The following SLIT1 variants were observed in gnomAD, a reference collection of about 807,000 sequenced individuals.
The protein encoded by SLIT1 is slit homolog 1 protein.
A neutral mutation model predicts 186.1 loss-of-function variants in SLIT1; 66 were observed. The observed-to-expected ratio is 0.35, with a 90% CI of 0.29 to 0.44. SLIT1 has a LOEUF of 0.44. SLIT1 is among the 20% of genes least tolerant of loss of function. The pLI, the probability that SLIT1 is intolerant of heterozygous loss-of-function variation, is 1.00. For synonymous variants in SLIT1, 761 were observed against 833.8 expected, an observed-to-expected ratio of 0.91 and a Z score of 1.50; for missense variants, 1,638 against 2,037.4, an observed-to-expected ratio of 0.80 and a Z score of 3.77.
Position 97,022,029 on chromosome 10 carries a change from G to C in SLIT1, c.2583-616C>G, listed in dbSNP as rs1161107617. ...TGTTGGGGCCATGCTGTTGGGGCCAGAGCCTACGAATGCACTGCCTCCAGT... is the reference window on the plus strand; with the variant it reads ...TGTTGGGGCCATGCTGTTGGGGCCACAGCCTACGAATGCACTGCCTCCAGT... On this transcript the variant is annotated intron_variant, in intron 25 of 36. Coordinates refer to ENST00000266058, the MANE Select transcript of SLIT1 (RefSeq NM_003061.3). The surrounding 1 kb of genome is among the most constrained non-coding windows in gnomAD (Gnocchi z 4.2). Among the ~76,000 whole-genome samples the C allele has an allele frequency of 6.6e-6, 1 of 152,236 alleles. No homozygotes were observed. The highest frequency in any genetic ancestry group is 6.5e-5 in the Admixed American group (1 of 15,286).
chr10:97,111,891 T>C (rs1293383246), intron 4 of SLIT1, among the ~76,000 whole-genome samples: 1 of 152,208 alleles, frequency 6.6e-6, no homozygotes, highest in Non-Finnish European at 1.5e-5. Context: ...GGATGCTGTT[T>C]GTGAGGGAAT....
At chr10:97,055,344 T>C (rs1031887001) in intron 13 of SLIT1, among the ~76,000 whole-genome samples, 2 of 152,142 alleles carry the variant, frequency 1.3e-5, no homozygotes, top group African/African-American at 4.8e-5. Context: ...TGATGAAAAC[T>C]TGGGGGTTCA....
chr10:97,096,114 G>A (rs1422635631), intron 4 of SLIT1, among the ~76,000 whole-genome samples: 5 of 152,284 alleles, frequency 3.3e-5, no homozygotes, highest in African/African-American at 1.2e-4. Flanking sequence ...CTGCCCTGGT[G>A]TGCCAGGCAC....
Position 96,999,157 on chromosome 10 carries a change from C to A in SLIT1, c.*1955G>T, listed in dbSNP as rs1477591738. The A allele has an allele frequency of 6.6e-6, 1 of 152,432 alleles. No homozygotes were observed. Among genetic ancestry groups the A allele is most frequent in the Non-Finnish European group, 1.5e-5 (1 of 68,242 alleles). 9.4% of individuals were successfully genotyped at this position (152,432 alleles called of 1,614,324 possible). Reference sequence around the variant, plus strand: ...GGATGCCATGTGGGCCTGGGAGAAGCCCCATGAGGCCCAGGCTGCAGTCTA... The same window carrying A: ...GGATGCCATGTGGGCCTGGGAGAAGACCCATGAGGCCCAGGCTGCAGTCTA... On this transcript the variant is annotated 3_prime_UTR_variant, in exon 37 of 37. Coordinates refer to ENST00000266058, the MANE Select transcript of SLIT1 (RefSeq NM_003061.3).
Position 97,106,004 on chromosome 10 carries a change from C to T in SLIT1, c.414-39918G>A, listed in dbSNP as rs142911997. Among the ~76,000 whole-genome samples the T allele has an allele frequency of 4.6e-5, 7 of 152,332 alleles. No homozygotes were observed. In the East Asian group the frequency reaches 1.3e-3, roughly 29 times the overall value. ...GATGGTACCCATGGTGGGCATCCACCGGTTTTTGTTTTGTTTTGTTTTTGT... is the reference window on the plus strand; with the variant it reads ...GATGGTACCCATGGTGGGCATCCACTGGTTTTTGTTTTGTTTTGTTTTTGT... On this transcript the variant is annotated intron_variant, in intron 4 of 36. Coordinates refer to ENST00000266058, the MANE Select transcript of SLIT1 (RefSeq NM_003061.3).
intron 10 of SLIT1, 127 bp downstream of exon 10, chr10:97,059,960 T>G (rs1848876811): frequency 1.2e-6 from 1 of 806,632 alleles, no homozygotes. Flanking sequence ...GGCAGGAAGG[T>G]CAGGTGGCTG....
intron 4 of SLIT1, among the ~76,000 whole-genome samples, chr10:97,091,572 C>T (rs1257811443): frequency 6.6e-6 from 1 of 152,252 alleles, no homozygotes. Context: ...CTCCTTGAAA[C>T]AACTTTACCA....
At chr10:97,056,214 G>T (rs1848834726) in intron 13 of SLIT1, 107 bp downstream of exon 13, 1 of 1,299,778 alleles carries the variant, frequency 7.7e-7, no homozygotes, top group Non-Finnish European at 1.1e-6. Context: ...GCCACCCCCA[G>T]TGAGCACAGC....
chr10:97,138,930 C>A lies in SLIT1; in HGVS notation c.413+18888G>T, dbSNP rs952551947. On this transcript the variant is annotated intron_variant, in intron 4 of 36. Transcript: ENST00000266058. ...CATCAAATTCTCACAGCTTACATCA[C>A]CCTCTTGAGAATCAGCAACCCGCAG... Among the ~76,000 whole-genome samples the A allele has an allele frequency of 6.6e-5, 10 of 152,216 alleles. No homozygotes were observed. In the South Asian group the frequency reaches 1.2e-3, roughly 19 times the overall value.
At chr10:97,111,282 G>T (rs1412425163) in intron 4 of SLIT1, among the ~76,000 whole-genome samples, 1 of 151,990 alleles carries the variant, frequency 6.6e-6, no homozygotes, top group African/African-American at 2.4e-5. Context: ...TGCTTCAGAC[G>T]CCCAGCCAAG....
intron 4 of SLIT1, among the ~76,000 whole-genome samples, chr10:97,072,453 G>A (rs1343256013): frequency 6.6e-6 from 1 of 152,154 alleles, no homozygotes; most frequent in Non-Finnish European, 1.5e-5. Context: ...CACGGGCACT[G>A]TGCCCAGCTC....
intron 4 of SLIT1, among the ~76,000 whole-genome samples, chr10:97,144,088 C>T (rs1849792724): frequency 6.6e-6 from 1 of 152,040 alleles, no homozygotes; most frequent in Non-Finnish European, 1.5e-5. Flanking sequence ...GTCCCAGGTA[C>T]TCAGGAGGCT....
chr10:97,128,107 C>T (rs1224869818), intron 4 of SLIT1, among the ~76,000 whole-genome samples: 1 of 152,060 alleles, frequency 6.6e-6, no homozygotes, highest in Non-Finnish European at 1.5e-5. Context: ...CTTCTTCCCG[C>T]CCTTCCTCGG....
At chr10:97,174,587 C>T (rs1215780282) in intron 1 of SLIT1, among the ~76,000 whole-genome samples, 2 of 152,206 alleles carry the variant, frequency 1.3e-5, no homozygotes, top group African/African-American at 2.4e-5. Flanking sequence ...CATTTGCTGC[C>T]GATCCACTCC....
chr10:97,053,366 T>C (rs560081680), intron 13 of SLIT1, among the ~76,000 whole-genome samples: 1 of 152,310 alleles, frequency 6.6e-6, no homozygotes, highest in African/African-American at 2.4e-5. Flanking sequence ...CCATGGGGCT[T>C]CCTCTTTGTC....
intron 1 of SLIT1, among the ~76,000 whole-genome samples, chr10:97,173,712 G>A (rs897146985): frequency 6.6e-6 from 1 of 152,056 alleles, no homozygotes; most frequent in African/African-American, 2.4e-5. Flanking sequence ...TGAGGTTGAT[G>A]GGGAAGGAGG....
intron 4 of SLIT1, among the ~76,000 whole-genome samples, chr10:97,092,142 C>T (rs1329250006): frequency 2.6e-5 from 4 of 152,262 alleles, no homozygotes. Context: ...CTGAGATTGT[C>T]AAGCAGGGTT....
At position 97,002,942 on chromosome 10, in the gene SLIT1, TGAG is replaced by T; in HGVS notation, c.3913_3915del (p.Leu1305del). The T allele has an allele frequency of 6.2e-7, 1 of 1,614,122 alleles. No individual in the cohort carries two copies. The highest frequency in any genetic ancestry group is 8.5e-7 in the Non-Finnish European group (1 of 1,179,988). On this transcript the variant is annotated inframe_deletion, in exon 35 of 37. Coordinates refer to ENST00000266058, the MANE Select transcript of SLIT1 (RefSeq NM_003061.3). ...ATGCAACCGTGGAAGCCGGTGCCGT[TGAG>T]GATCTGCCACAGGCGGAAGGCAGCT...
chr10:97,070,682 GC>G (rs1848994105), intron 4 of SLIT1, among the ~76,000 whole-genome samples: 1 of 152,222 alleles, frequency 6.6e-6, no homozygotes, highest in South Asian at 2.1e-4. Flanking sequence ...TGAGGACACA[GC>G]TAGAAGGCAC....
Sources: gnomAD v4.1 joint callset for allele counts (sites outside exome capture counted in the v4.1 genomes callset) on GRCh38, gnomAD v4.1.1 for gene constraint, Gnocchi (gnomAD v3.1) non-coding constraint, MANE v1.5 for transcripts, NCBI Gene and HGNC (gene_info 2026-07-23, HGNC 2026-07-21) for gene names.